Variants in GRID2 observed in about 807,000 individuals in gnomAD.
GRID2 encodes glutamate ionotropic receptor delta type subunit 2.
Under a neutral mutation model 114.8 loss-of-function variants are expected in GRID2, and 33 were observed. The observed-to-expected ratio is 0.29, with a 90% CI of 0.22 to 0.38. The LOEUF (loss-of-function observed/expected upper bound fraction) is 0.38. Among genes scored for constraint, GRID2 ranks in the 10% least tolerant of loss-of-function variants. The probability of loss-of-function intolerance (pLI) is 1.00; values close to 1 mark genes in which losing one functional copy is unlikely to be tolerated. For synonymous variants in GRID2, 505 were observed against 449.9 expected, an observed-to-expected ratio of 1.12 and a Z score of -1.55; for missense variants, 1,184 against 1,257.7, an observed-to-expected ratio of 0.94 and a Z score of 0.89.
intron 2 of GRID2, among the ~76,000 whole-genome samples, chr4:92,758,822 C>T (rs1737850462): frequency 6.6e-6 from 1 of 151,938 alleles, no homozygotes; most frequent in South Asian, 2.1e-4. Context: ...CAGACTTAAC[C>T]TATTCTATAT....
intron 8 of GRID2, among the ~76,000 whole-genome samples, chr4:93,351,472 T>G (rs1255398701): frequency 6.6e-6 from 1 of 152,092 alleles, no homozygotes; most frequent in Admixed American, 6.6e-5. Context: ...TATACACTTC[T>G]GAATTATTCA....
chr4:93,267,101 T>A (rs1372903028), intron 8 of GRID2, among the ~76,000 whole-genome samples: 1 of 152,116 alleles, frequency 6.6e-6, no homozygotes, highest in Non-Finnish European at 1.5e-5. Context: ...TCCATGTTGC[T>A]GCAACAATCA....
intron 2 of GRID2, among the ~76,000 whole-genome samples, chr4:92,785,204 A>G (rs1247516419): frequency 6.6e-6 from 1 of 151,310 alleles, no homozygotes; most frequent in African/African-American, 2.4e-5. Flanking sequence ...AGATTGTTTT[A>G]AATTTGTAGA....
At chr4:93,119,188 C>T (rs1206150359) in intron 4 of GRID2, among the ~76,000 whole-genome samples, 2 of 152,118 alleles carry the variant, frequency 1.3e-5, no homozygotes, top group Non-Finnish European at 2.9e-5. Flanking sequence ...AAGAAAAATA[C>T]TGCAGTTATG....
chr4:93,213,638 T>TC (rs1743833742), intron 5 of GRID2, among the ~76,000 whole-genome samples: 1 of 152,164 alleles, frequency 6.6e-6, no homozygotes, highest in African/African-American at 2.4e-5. Flanking sequence ...TGGCATCTGA[T>TC]CCAATGGATT....
intron 8 of GRID2, among the ~76,000 whole-genome samples, chr4:93,288,941 G>A (rs1753456836): frequency 6.6e-6 from 1 of 152,130 alleles, no homozygotes; most frequent in African/African-American, 2.4e-5. Flanking sequence ...CTTTCTCAGT[G>A]CTCTAAATTT....
At position 93,606,351 on chromosome 4, in the gene GRID2, A is replaced by G. The variant is rs75871463; in HGVS notation, c.2194-19918A>G. Among the ~76,000 whole-genome samples the G allele has an allele frequency of 5.7e-3, 866 of 152,294 alleles. 12 individuals carry two copies. The highest frequency in any genetic ancestry group is 0.019 in the African/African-American group (796 of 41,558). Reference sequence around the variant, plus strand: ...TCCAAGCAAAAGAAAATGAATATCTAAGAACCAAGGGCAAGAAATAATACA... The same window carrying G: ...TCCAAGCAAAAGAAAATGAATATCTGAGAACCAAGGGCAAGAAATAATACA... On this transcript the variant is annotated intron_variant, in intron 13 of 15. Coordinates refer to ENST00000282020, the MANE Select transcript of GRID2 (RefSeq NM_001510.4).
rs1220461669 is a variant in GRID2, at chr4:92,304,562, G to A, written c.-95G>A. On this transcript the variant is annotated 5_prime_UTR_variant, in exon 1 of 16. Transcript: ENST00000282020. ...AATTTAGAAAAAAAGAAAAAGCTGC[G>A]CTAAACTCCACCGTGACCTCAAACT... is the stretch of plus-strand genomic sequence containing the variant. 2 of 801,498 alleles carry A rather than the reference G, an allele frequency of 2.5e-6. No homozygotes were observed. Among genetic ancestry groups the A allele is most frequent in the Non-Finnish European group, 4.3e-6 (2 of 463,744 alleles). 49.6% of individuals were successfully genotyped at this position (801,498 alleles called of 1,614,324 possible). A position where few individuals can be genotyped will look rare whatever the true frequency, so the allele number is the denominator to read the frequency against.
At chr4:93,000,776 A>G (rs944923305) in intron 2 of GRID2, among the ~76,000 whole-genome samples, 8 of 137,840 alleles carry the variant, frequency 5.8e-5, no homozygotes, top group African/African-American at 2.1e-4. Context: ...GGACATAAAG[A>G]TGGAAATAAT....
At chr4:93,049,927 GTTA>G (rs1245780415) in intron 2 of GRID2, among the ~76,000 whole-genome samples, 1 of 151,864 alleles carries the variant, frequency 6.6e-6, no homozygotes, top group African/African-American at 2.4e-5. Flanking sequence ...CTTTTCCTAT[GTTA>G]TTATTGGTAG....
At chr4:93,662,168 T>G (rs1055430033) in intron 14 of GRID2, among the ~76,000 whole-genome samples, 3 of 152,192 alleles carry the variant, frequency 2.0e-5, no homozygotes, top group African/African-American at 7.2e-5. Context: ...GGCTTACTCC[T>G]GCATTGCTTT....
intron 4 of GRID2, among the ~76,000 whole-genome samples, chr4:93,175,466 C>T (rs1236499528): frequency 6.6e-6 from 1 of 151,946 alleles, no homozygotes; most frequent in African/African-American, 2.4e-5. Context: ...CCACCGCACA[C>T]AGCATAATGC....
chr4:92,599,622 T>G (rs562629453), intron 2 of GRID2, among the ~76,000 whole-genome samples: 1 of 152,296 alleles, frequency 6.6e-6, no homozygotes, highest in Admixed American at 6.5e-5. Context: ...ACAGATTTAC[T>G]TTTTGGTCTT....
rs1184626967 is a variant in GRID2, at chr4:93,684,163, A to T, written c.2360+57728A>T. ...TCTTTGGATAATAGCATATTAGATT[A>T]TTGTTTTTGTCTTTCTGACTTTTCT... On this transcript the variant is annotated intron_variant, in intron 14 of 15. Transcript: ENST00000282020. Among the ~76,000 whole-genome samples, 3 of 152,202 alleles carry T rather than the reference A, an allele frequency of 2.0e-5. No homozygotes were observed. The East Asian group carries it at 5.8e-4, about 29-fold the overall frequency.
chr4:92,600,044 GTATATATATATATATATATATATATA>G (rs70942915), intron 2 of GRID2, among the ~76,000 whole-genome samples: 84 of 54,434 alleles, frequency 1.5e-3, no homozygotes, highest in Middle Eastern at 0.013. Flanking sequence ...GTGTGTGTGT[GTATATATATATATATATATATATATA>G]TATATATATA....
chr4:92,679,449 A>G (rs1241949008), intron 2 of GRID2, among the ~76,000 whole-genome samples: 2 of 152,038 alleles, frequency 1.3e-5, no homozygotes, highest in African/African-American at 4.8e-5. Flanking sequence ...GAAATCTTCC[A>G]TCTTACTTTT....
At chr4:93,061,380 T>A (rs1436262227) in intron 2 of GRID2, among the ~76,000 whole-genome samples, 1 of 151,914 alleles carries the variant, frequency 6.6e-6, no homozygotes, top group Non-Finnish European at 1.5e-5. Context: ...GCTTTTCTGA[T>A]AGATAGTAGA....
chr4:92,868,092 C>A (rs1171823830), intron 2 of GRID2, among the ~76,000 whole-genome samples: 1 of 150,076 alleles, frequency 6.7e-6, no homozygotes, highest in South Asian at 2.1e-4. Flanking sequence ...GTCTGTCTTT[C>A]TTTCTTTCTC....
rs532457938 is a variant in GRID2, at chr4:92,545,804, C to T, written c.89-44327C>T. On this transcript the variant is annotated intron_variant, in intron 1 of 15. Transcript: ENST00000282020. ...TTATGCAATTGCACGTTCATATGTA[C>T]GAAAGCCAGCTCAGATTTTTCTTCC... 4.6e-5 allele frequency among the ~76,000 whole-genome samples: 7 copies of T among 152,206 alleles called. No homozygotes were observed. The East Asian group carries it at 1.2e-3, about 25-fold the overall frequency.
Sources: gnomAD v4.1 joint callset for allele counts (sites outside exome capture counted in the v4.1 genomes callset) on GRCh38, gnomAD v4.1.1 for gene constraint, MANE v1.5 for transcripts, NCBI Gene and HGNC (gene_info 2026-07-23, HGNC 2026-07-21) for gene names.